Variants in SPOPL observed in about 807,000 individuals in gnomAD.
The protein encoded by SPOPL is speckle-type POZ protein-like.
A neutral mutation model predicts 53.8 loss-of-function variants in SPOPL; 23 were observed. The ratio of observed to expected loss-of-function variants is 0.43; its 90% CI spans 0.31 to 0.61. SPOPL has a LOEUF of 0.61. SPOPL is among the 20% of genes least tolerant of loss of function. SPOPL has a pLI of 0.12. For synonymous variants in SPOPL, 164 were observed against 149.7 expected (o/e 1.10, Z -0.70); for missense variants, 442 against 466.9 (o/e 0.95, Z 0.49).
rs554548741 is a variant in SPOPL, at chr2:138,552,458, A to G, written c.353-96A>G. ...AACTTTTATGATGGATGTATTGACA[A>G]GTCCTGTTTTCACACATTTTATTTA... On this transcript the variant is annotated intron_variant, in intron 4 of 10. Coordinates refer to ENST00000280098, the MANE Select transcript of SPOPL (RefSeq NM_001001664.3). 243 of 1,395,888 alleles carry G rather than the reference A, an allele frequency of 1.7e-4. 1 individual carries two copies. In the Admixed American group the frequency reaches 6.0e-3, roughly 34 times the overall value. The allele number at this position is 1,395,888 out of a possible 1,614,324, so 86.5% of individuals were successfully genotyped here. A position where few individuals can be genotyped will look rare whatever the true frequency, so the allele number is the denominator to read the frequency against.
Position 138,551,040 on chromosome 2 carries a change from A to C in SPOPL, c.338A>C (p.Glu113Ala). ...TCCCTTCTGAATGCTAAAAGGGAAG[A>C]AACAAAAGCAATGGGTAAGTGATTT... The part of the protein sequence containing the change: ...KFSLLNAKRE[E>A]TKAMESQRAY... Residue 113 changes from glutamate to alanine, a missense_variant, in exon 4 of 11, where the codon GAA (glutamate) becomes GCA (alanine). Glu to Ala is a moderately radical substitution (Grantham distance 107). Coordinates refer to ENST00000280098, the MANE Select transcript of SPOPL (RefSeq NM_001001664.3). The C allele has an allele frequency of 1.2e-6, 2 of 1,613,114 alleles. No homozygotes were observed. The highest frequency in any genetic ancestry group is 1.7e-6 in the Non-Finnish European group (2 of 1,179,406).
chr2:138,539,788 C>A (rs1332971152), intron 1 of SPOPL, among the ~76,000 whole-genome samples: 1 of 152,100 alleles, frequency 6.6e-6, no homozygotes, highest in Non-Finnish European at 1.5e-5. Context: ...TCTTTGTTGC[C>A]ATTGCTTTTG....
chr2:138,526,993 A>C (rs1684690313), intron 1 of SPOPL, among the ~76,000 whole-genome samples: 1 of 152,124 alleles, frequency 6.6e-6, no homozygotes, highest in African/African-American at 2.4e-5. Context: ...CCCAAAGTGC[A>C]GGGATTACAG....
At position 138,563,207 on chromosome 2, in the gene SPOPL, G is replaced by A. The variant is rs538810051; in HGVS notation, c.838-1501G>A. On this transcript the variant is annotated intron_variant, in intron 8 of 10. Transcript: ENST00000280098. ...TAAAAAGATATTCTAGTCAAGCATGGTGGCTCACACCTGTAATCCCAACAC... is the reference window on the plus strand; with the variant it reads ...TAAAAAGATATTCTAGTCAAGCATGATGGCTCACACCTGTAATCCCAACAC... 3.9e-5 allele frequency among the ~76,000 whole-genome samples: 6 copies of A among 152,274 alleles called. No homozygotes were observed. The South Asian group carries it at 1.0e-3, about 26-fold the overall frequency.
At chr2:138,524,168 C>T (rs1684618954) in intron 1 of SPOPL, among the ~76,000 whole-genome samples, 1 of 152,242 alleles carries the variant, frequency 6.6e-6, no homozygotes, top group African/African-American at 2.4e-5. Context: ...GCAGGCTCAA[C>T]ACCACATGGA....
chr2:138,531,946 G>A (rs1386053100), intron 1 of SPOPL, among the ~76,000 whole-genome samples: 2 of 152,114 alleles, frequency 1.3e-5, no homozygotes, highest in African/African-American at 4.8e-5. Context: ...GTTAGTGTGG[G>A]AGCTGATAAC....
intron 3 of SPOPL, 74 bp from the exon 4 acceptor site, chr2:138,550,829 C>T (rs200712692): frequency 1.2e-5 from 12 of 984,826 alleles, no homozygotes; most frequent in Non-Finnish European, 1.5e-5. Flanking sequence ...CTCTCTCTTT[C>T]TCTCTCTCTC....
At position 138,512,502 on chromosome 2, in the gene SPOPL, A is replaced by G. The variant is rs1372437209; in HGVS notation, c.-61+10383A>G. 2.6e-5 allele frequency among the ~76,000 whole-genome samples: 4 copies of G among 152,208 alleles called. No homozygotes were observed. In the East Asian group the frequency reaches 7.7e-4, roughly 29 times the overall value. On this transcript the variant is annotated intron_variant, in intron 1 of 10. Coordinates refer to ENST00000280098, the MANE Select transcript of SPOPL (RefSeq NM_001001664.3). The stretch of plus-strand genomic sequence containing the variant: ...AAAATATACTGCTTTTTCATTGCAC[A>G]GTGTATAGAGGAAAGATAATACCGA...
chr2:138,530,212 A>G (rs1015782285), intron 1 of SPOPL, among the ~76,000 whole-genome samples: 1 of 152,080 alleles, frequency 6.6e-6, no homozygotes, highest in Non-Finnish European at 1.5e-5. Flanking sequence ...AATCCAGTCT[A>G]CCATTGATGG....
chr2:138,553,137 CTAAT>C (rs1470636859), intron 5 of SPOPL, among the ~76,000 whole-genome samples: 2 of 152,018 alleles, frequency 1.3e-5, no homozygotes, highest in African/African-American at 4.8e-5. Context: ...TTGGATTAAT[CTAAT>C]TAAATAGCAT....
intron 1 of SPOPL, among the ~76,000 whole-genome samples, chr2:138,528,046 C>G (rs1684715716): frequency 6.6e-6 from 1 of 152,180 alleles, no homozygotes; most frequent in Non-Finnish European, 1.5e-5. Flanking sequence ...TTCCTAATGT[C>G]TGCTATGATA....
chr2:138,509,096 G>A (rs1246486857), intron 1 of SPOPL, among the ~76,000 whole-genome samples: 4 of 152,046 alleles, frequency 2.6e-5, no homozygotes, highest in Admixed American at 1.3e-4. Flanking sequence ...TTATTCTCAA[G>A]TATGAAATTT....
In SPOPL at chr2:138,550,469, T is replaced by C; in HGVS notation, c.79-14T>C. 6.3e-7 allele frequency: 1 copy of C among 1,599,422 alleles called. No individual in the cohort carries two copies. The highest frequency in any genetic ancestry group is 8.5e-7 in the Non-Finnish European group (1 of 1,171,544). Reference sequence around the variant, plus strand: ...ACCGTCATCATTATAAAAGTGGTTTTCTGAATCTCTTAGGTTAAAGTAGTA... The same window carrying C: ...ACCGTCATCATTATAAAAGTGGTTTCCTGAATCTCTTAGGTTAAAGTAGTA... On this transcript the variant is annotated splice_polypyrimidine_tract_variant and intron_variant, in intron 2 of 10. Transcript: ENST00000280098.
intron 8 of SPOPL, among the ~76,000 whole-genome samples, 194 bp downstream of exon 8, chr2:138,561,121 C>T (rs944726484): frequency 6.6e-6 from 1 of 151,976 alleles, no homozygotes; most frequent in African/African-American, 2.4e-5. Flanking sequence ...TATCTTGAGC[C>T]AGAAGGAAGT....
In SPOPL at chr2:138,539,233, A is replaced by G. The variant is rs1685007811; in HGVS notation, c.-60-10924A>G. ...ATATGTGTGCATGTGTCTTTATAGC[A>G]GCATGATTTATAATCCTTTGGGTAT... On this transcript the variant is annotated intron_variant, in intron 1 of 10. Transcript: ENST00000280098. 2.0e-5 allele frequency among the ~76,000 whole-genome samples: 3 copies of G among 152,230 alleles called. No individual in the cohort carries two copies. The South Asian group carries it at 6.2e-4, about 32-fold the overall frequency.
chr2:138,529,498 C>CTGTGTGTGTGTG (rs58483992), intron 1 of SPOPL, among the ~76,000 whole-genome samples: 21 of 147,692 alleles, frequency 1.4e-4, no homozygotes, highest in East Asian at 1.0e-3. Context: ...ATGCATGTGC[C>CTGTGTGTGTGTG]TGTGTGTGTG....
At chr2:138,530,577 A>T (rs1261008733) in intron 1 of SPOPL, among the ~76,000 whole-genome samples, 1 of 152,156 alleles carries the variant, frequency 6.6e-6, no homozygotes, top group Non-Finnish European at 1.5e-5. Flanking sequence ...ATCCTTCATT[A>T]GATTTATTTC....
rs73959456 is a variant in SPOPL at position 138,516,247 on chromosome 2, T to A, written c.-61+14128T>A. 9.4e-3 allele frequency among the ~76,000 whole-genome samples: 1,435 copies of A among 152,296 alleles called. 28 individuals are homozygous for A. Among genetic ancestry groups the A allele is most frequent in the African/African-American group, 0.033 (1,367 of 41,568 alleles). On this transcript the variant is annotated intron_variant, in intron 1 of 10. Coordinates refer to ENST00000280098, the MANE Select transcript of SPOPL (RefSeq NM_001001664.3). The stretch of plus-strand genomic sequence containing the variant: ...GGAGTGAAATGTTAACCATGCTTGC[T>A]AGAGCGTCTTTGAAGTTGTGATGTA...
intron 5 of SPOPL, among the ~76,000 whole-genome samples, chr2:138,556,777 T>C (rs1685433879): frequency 6.6e-6 from 1 of 152,172 alleles, no homozygotes; most frequent in African/African-American, 2.4e-5. Context: ...CCTAAGATTG[T>C]TGTAATAAAT....
Sources: gnomAD v4.1 joint callset for allele counts (sites outside exome capture counted in the v4.1 genomes callset) on GRCh38, gnomAD v4.1.1 for gene constraint, MANE v1.5 for transcripts, NCBI Gene and HGNC (gene_info 2026-07-23, HGNC 2026-07-21) for gene names.